Variants in TENM3 observed in about 807,000 individuals in gnomAD.
TENM3 encodes the protein teneurin-3.
TENM3 carries 63 observed loss-of-function variants against 255.1 expected under a neutral mutation model. That is an observed-to-expected ratio of 0.25 (90% CI 0.20 to 0.30). TENM3 has a LOEUF of 0.30. Among genes scored for constraint, TENM3 ranks in the 10% least tolerant of loss-of-function variants. The probability of loss-of-function intolerance (pLI) is 1.00; values close to 1 mark genes in which losing one functional copy is unlikely to be tolerated. For synonymous variants in TENM3, 1,306 were observed against 1,322.3 expected, an observed-to-expected ratio of 0.99 and a Z score of 0.27; for missense variants, 2,929 against 3,461.1, an observed-to-expected ratio of 0.85 and a Z score of 3.86.
At chr4:181,742,895 C>G in the TENM3 span, among the ~76,000 whole-genome samples, 1 of 144,032 alleles carries the variant, frequency 6.9e-6, no homozygotes, top group East Asian at 2.2e-4. Flanking sequence ...TCTCATTGTT[C>G]AAGTCCCACC....
At chr4:181,952,657 T>G in the TENM3 span, among the ~76,000 whole-genome samples, 1 of 152,238 alleles carries the variant, frequency 6.6e-6, no homozygotes, top group Non-Finnish European at 1.5e-5. Context: ...ATTTCCTTTT[T>G]GGGCTGCTTC....
At chr4:181,625,828 A>G in the TENM3 span, among the ~76,000 whole-genome samples, 1 of 151,250 alleles carries the variant, frequency 6.6e-6, no homozygotes, top group East Asian at 1.9e-4. Flanking sequence ...AAAAATAATA[A>G]TAATAACAAT....
At chr4:182,668,595 C>T (rs1754928373) in intron 6 of TENM3, among the ~76,000 whole-genome samples, 1 of 152,106 alleles carries the variant, frequency 6.6e-6, no homozygotes, top group African/African-American at 2.4e-5. Context: ...AAATGAAGAA[C>T]CCTCTTTTTC....
the TENM3 span, among the ~76,000 whole-genome samples, chr4:181,825,493 C>T: frequency 6.6e-6 from 1 of 151,574 alleles, no homozygotes; most frequent in African/African-American, 2.4e-5. Context: ...CAGGTCTTTC[C>T]CACCATTTTA....
At chr4:182,168,696 A>T in intron 1 of TENM3, among the ~76,000 whole-genome samples, 1 of 152,346 alleles carries the variant, frequency 6.6e-6, no homozygotes, top group Middle Eastern at 3.4e-3. Flanking sequence ...TACTGTATAT[A>T]AAAGTTTAAG....
the TENM3 span, among the ~76,000 whole-genome samples, chr4:181,477,713 A>G: frequency 6.6e-6 from 1 of 152,200 alleles, no homozygotes; most frequent in African/African-American, 2.4e-5. Flanking sequence ...CAGCAACAAC[A>G]ACGAAAAATT....
At chr4:182,046,567 TAATAATAATAATAAC>T in the TENM3 span, among the ~76,000 whole-genome samples, 3 of 149,952 alleles carry the variant, frequency 2.0e-5, no homozygotes, top group African/African-American at 7.4e-5. Context: ...ATAATAATAA[TAATAATAATAATAAC>T]AACCAGGTGT....
chr4:182,649,093 CA>C (rs1307836204), intron 5 of TENM3, among the ~76,000 whole-genome samples: 1 of 151,056 alleles, frequency 6.6e-6, no homozygotes, highest in African/African-American at 2.4e-5. Flanking sequence ...ATGGGGTATA[CA>C]AACAGACTTT....
the TENM3 span, among the ~76,000 whole-genome samples, chr4:181,594,044 T>C: frequency 6.6e-6 from 1 of 150,590 alleles, no homozygotes. Context: ...AATGCCTCCA[T>C]AGATCAGTGA....
chr4:182,413,558 G>C (rs1442560584), intron 3 of TENM3, among the ~76,000 whole-genome samples: 1 of 151,870 alleles, frequency 6.6e-6, no homozygotes, highest in Non-Finnish European at 1.5e-5. Flanking sequence ...GGAGGTTGCA[G>C]TGAGTCAAGA....
chr4:181,761,108 A>G, the TENM3 span, among the ~76,000 whole-genome samples: 31 of 151,982 alleles, frequency 2.0e-4, no homozygotes, highest in Admixed American at 1.8e-3. Context: ...AAACGTCTCT[A>G]TATTGTCAGT....
the TENM3 span, among the ~76,000 whole-genome samples, chr4:181,664,805 G>A: frequency 5.9e-5 from 9 of 152,104 alleles, no homozygotes; most frequent in Non-Finnish European, 1.2e-4. Context: ...CATTGACCCC[G>A]CTCTTGCTCT....
the TENM3 span, among the ~76,000 whole-genome samples, chr4:182,051,378 C>CTTTTTTTTTTTTTTTTTTTT: frequency 1.5e-5 from 2 of 129,590 alleles, 1 homozygote. Flanking sequence ...TTTTTCCTCT[C>CTTTTTTTTTTTTTTTTTTTT]TTTTTTTTTT....
intron 3 of TENM3, among the ~76,000 whole-genome samples, chr4:182,571,333 C>G (rs752793068): frequency 6.6e-6 from 1 of 152,146 alleles, no homozygotes; most frequent in Non-Finnish European, 1.5e-5. Context: ...TGAGACCAGC[C>G]TGGGCAACAT....
the TENM3 span, among the ~76,000 whole-genome samples, chr4:182,043,947 C>G: frequency 6.6e-6 from 1 of 152,146 alleles, no homozygotes; most frequent in Admixed American, 6.5e-5. Context: ...CCTTCTCTTG[C>G]CAGTTCGTGA....
chr4:182,177,014 A>G (rs1052699319), intron 1 of TENM3, among the ~76,000 whole-genome samples: 1 of 151,902 alleles, frequency 6.6e-6, no homozygotes, highest in African/African-American at 2.4e-5. Context: ...GATGGACAGG[A>G]CAGACATTCA....
chr4:181,889,445 G>T, the TENM3 span, among the ~76,000 whole-genome samples: 16 of 152,116 alleles, frequency 1.1e-4, no homozygotes, highest in Non-Finnish European at 2.1e-4. Context: ...GAAATAAATC[G>T]CTTTTTCTTT....
At chr4:182,510,990 T>C (rs749785674) in intron 3 of TENM3, among the ~76,000 whole-genome samples, 4 of 152,196 alleles carry the variant, frequency 2.6e-5, no homozygotes, top group Non-Finnish European at 5.9e-5. Context: ...TTGTTACTAC[T>C]TACTGTCAAA....
Position 182,793,691 on chromosome 4 carries a change from G to T in TENM3, c.7019G>T (p.Gly2340Val). Residue 2340 changes from glycine to valine, a missense_variant, in exon 26 of 28, where the codon GGT (glycine) becomes GTT (valine). Around this residue, in one of 6 missense-constraint regions of TENM3, gnomAD observed 256 missense variants for 389.3 expected, o/e 0.66. Coordinates refer to ENST00000511685, the MANE Select transcript of TENM3 (RefSeq NM_001080477.4). This position sits in a 1 kb window ranked among gnomAD's most constrained non-coding sequence, Gnocchi z 5.7. The part of the protein sequence containing the change: ...IDFQLVIGFH[G>V]GLYDPLTKLI... ...TTTCAACTGGTAATTGGATTTCATG[G>T]TGGCCTGTATGACCCACTCACCAAA... 1 of 1,613,984 alleles carries T rather than the reference G, an allele frequency of 6.2e-7. No individual in the cohort carries two copies. The highest frequency in any genetic ancestry group is 8.5e-7 in the Non-Finnish European group (1 of 1,179,868).
Sources: gnomAD v4.1 joint callset for allele counts (sites outside exome capture counted in the v4.1 genomes callset) on GRCh38, gnomAD v4.1.1 for gene constraint, gnomAD v4.1.1 regional missense constraint, Gnocchi (gnomAD v3.1) non-coding constraint, MANE v1.5 for transcripts, NCBI Gene and HGNC (gene_info 2026-07-23, HGNC 2026-07-21) for gene names.